Variants in BOD1L1 observed in about 807,000 individuals in gnomAD.
BOD1L1 encodes the protein biorientation of chromosomes in cell division 1 like 1, also known as biorientation of chromosomes in cell division protein 1-like 1.
In BOD1L1, 86 loss-of-function variants were observed where a neutral mutation model predicts 240.7. That is an observed-to-expected ratio of 0.36 (90% confidence interval 0.30 to 0.43). BOD1L1 has a LOEUF of 0.43. Among genes scored for constraint, BOD1L1 ranks in the 20% least tolerant of loss-of-function variants. BOD1L1 has a pLI of 1.00. For synonymous variants in BOD1L1, 1,268 were observed against 1,272.3 expected, an observed-to-expected ratio of 1.00 and a Z score of 0.07; for missense variants, 3,554 against 3,643.5, an observed-to-expected ratio of 0.98 and a Z score of 0.63.
At chr4:13,588,530 C>T (rs1379966138) in intron 15 of BOD1L1, among the ~76,000 whole-genome samples, 192 bp downstream of exon 15, 1 of 152,170 alleles carries the variant, frequency 6.6e-6, no homozygotes, top group Non-Finnish European at 1.5e-5. Flanking sequence ...CACTTCCAAA[C>T]AGTCCTGGGA....
At chr4:13,598,098 G>A (rs1308285897) in intron 10 of BOD1L1, among the ~76,000 whole-genome samples, 1 of 152,188 alleles carries the variant, frequency 6.6e-6, no homozygotes, top group Non-Finnish European at 1.5e-5. Flanking sequence ...GCTTTAAAGT[G>A]TCACTGTCCA....
At chr4:13,617,242 CAA>C (rs35905517) in intron 2 of BOD1L1, among the ~76,000 whole-genome samples, 18 of 116,354 alleles carry the variant, frequency 1.5e-4, no homozygotes, top group South Asian at 5.4e-4. Context: ...AACTCCGTCT[CAA>C]AAAAAAAAAA....
chr4:13,599,303 C>T lies in BOD1L1; in HGVS notation c.7597G>A (p.Ala2533Thr). 1.2e-6 allele frequency: 2 copies of T among 1,613,796 alleles called. No homozygotes were observed. The highest frequency in any genetic ancestry group is 1.7e-6 in the Non-Finnish European group (2 of 1,179,808). ...IRYLAAVNTG[A>T]IKADDMPPVQ... ...GGTGGCATGTCATCAGCTTTTATAGCACCGGTGTTTACTGCTGCCAAATAG... is the reference window on the plus strand; with the variant it reads ...GGTGGCATGTCATCAGCTTTTATAGTACCGGTGTTTACTGCTGCCAAATAG... Residue 2533 changes from alanine to threonine, a missense_variant, in exon 10 of 26, where the codon GCT becomes ACT. Transcript: ENST00000040738.
intron 9 of BOD1L1, 129 bp downstream of exon 9, chr4:13,606,988 T>A (rs1715758621): frequency 1.7e-6 from 1 of 573,850 alleles, no homozygotes; most frequent in Admixed American, 4.2e-5. Context: ...GTTTCAAAAA[T>A]GCTGAATGTA....
chr4:13,605,138 T>G (rs1436634387), intron 9 of BOD1L1, 54 bp from the exon 10 acceptor site: 3 of 1,363,634 alleles, frequency 2.2e-6, no homozygotes, highest in Non-Finnish European at 2.9e-6. Context: ...ATTTTTAGAT[T>G]AAAACATAAC....
intron 2 of BOD1L1, among the ~76,000 whole-genome samples, chr4:13,616,005 A>G (rs1387144027): frequency 6.6e-6 from 1 of 152,242 alleles, no homozygotes; most frequent in Non-Finnish European, 1.5e-5. Flanking sequence ...TTGCAAAATC[A>G]AAGAAGGAAA....
chr4:13,621,415 C>T (rs1336792575), intron 1 of BOD1L1, among the ~76,000 whole-genome samples: 1 of 152,198 alleles, frequency 6.6e-6, no homozygotes, highest in Non-Finnish European at 1.5e-5. Flanking sequence ...ACTACCATTC[C>T]CTCTGGTTGT....
intron 6 of BOD1L1, among the ~76,000 whole-genome samples, chr4:13,609,999 A>G (rs1236010275): frequency 1.3e-5 from 2 of 152,170 alleles, no homozygotes; most frequent in Non-Finnish European, 2.9e-5. Flanking sequence ...CAGGTGCATA[A>G]CTTCTAACCA....
At position 13,603,275 on chromosome 4, in the gene BOD1L1, T is replaced by C. The variant is rs200266448; in HGVS notation, c.3625A>G (p.Ile1209Val). 3.3e-5 allele frequency: 53 copies of C among 1,613,920 alleles called. No homozygotes were observed. The Middle Eastern group carries it at 4.9e-4, about 15-fold the overall frequency. ...HRSTLTKKMH[I>V]QSAVSKMNPG... is the part of the protein sequence containing the mutation. The stretch of plus-strand genomic sequence containing the variant: ...TTCATTTTGGACACAGCACTTTGTA[T>C]ATGCATTTTCTTGGTCAAGGTGCTT... The change falls in exon 10 of 26, where the codon ATA (isoleucine) becomes GTA (valine). Residue 1209 changes from isoleucine to valine, a missense_variant. Transcript: ENST00000040738.
In BOD1L1 at chr4:13,603,034, A is replaced by G. The variant is rs1715350305; in HGVS notation, c.3866T>C (p.Val1289Ala). 19 of 1,613,890 alleles carry G rather than the reference A, an allele frequency of 1.2e-5. No individual in the cohort carries two copies. Among genetic ancestry groups the G allele is most frequent in the Non-Finnish European group, 1.5e-5 (18 of 1,179,878 alleles). Residue 1289 changes from valine to alanine, a missense_variant, in exon 10 of 26, where the codon GTT becomes GCT. By Grantham distance (64) the Val-to-Ala change is moderately conservative. This residue lies in a region of BOD1L1 where 3,393 missense variants were observed against 3,427.1 expected (regional missense o/e 0.99). Coordinates refer to ENST00000040738, the MANE Select transcript of BOD1L1 (RefSeq NM_148894.3). ...ATCATACGATTCCCTCAGAGGCACA[A>G]CAGTCACTGAACTTAAGGATGGTGA... Reference protein sequence around the residue: ...DSSPSLSSVTVVPLRESYDPD... With the variant: ...DSSPSLSSVTAVPLRESYDPD...
In BOD1L1 at chr4:13,602,839, G is replaced by A. The variant is rs780987705; in HGVS notation, c.4061C>T (p.Thr1354Ile). 5.0e-6 allele frequency: 8 copies of A among 1,614,022 alleles called. No homozygotes were observed. The highest frequency in any genetic ancestry group is 6.8e-6 in the Non-Finnish European group (8 of 1,179,892). ...KEGGEGFTVD[T>I]PAKASITSKR... is the part of the protein sequence containing the mutation. ...GCTAGTGATGCTTGCTTTTGCTGGT[G>A]TATCTACTGTGAAACCTTCACCACC... Residue 1354 changes from threonine to isoleucine, a missense_variant, in exon 10 of 26, where the codon ACA (threonine) becomes ATA (isoleucine). Thr to Ile is a moderately conservative substitution (Grantham distance 89). This residue lies in a region of BOD1L1 where 3,393 missense variants were observed against 3,427.1 expected (regional missense o/e 0.99). Transcript: ENST00000040738.
intron 16 of BOD1L1, among the ~76,000 whole-genome samples, 182 bp from the exon 17 acceptor site, chr4:13,586,657 G>C (rs1383195202): frequency 6.6e-6 from 1 of 152,074 alleles, no homozygotes; most frequent in Non-Finnish European, 1.5e-5. Context: ...TTTCGCCCTG[G>C]CAAAGTAAAA....
chr4:13,601,614 C>T lies in BOD1L1; in HGVS notation c.5286G>A (p.Leu1762=). The stretch of plus-strand genomic sequence containing the variant: ...TTCCTGGTGGTGCATCATTATCTCC[C>T]AGGACAACACCTGCACCTGTAACCA... ...ERMVTGAGVV[L]GDNDAPPGTS... is the part of the protein sequence containing the mutation. Residue 1762 remains leucine, a synonymous_variant, in exon 10 of 26, where the codon CTG becomes CTA. Coordinates refer to ENST00000040738, the MANE Select transcript of BOD1L1 (RefSeq NM_148894.3). 1 of 1,613,892 alleles carries T rather than the reference C, an allele frequency of 6.2e-7. No homozygotes were observed. The highest frequency in any genetic ancestry group is 1.7e-5 in the Admixed American group (1 of 60,000).
At position 13,604,652 on chromosome 4, in the gene BOD1L1, T is replaced by C. The variant is rs1715532109; in HGVS notation, c.2248A>G (p.Met750Val). 1 of 1,583,436 alleles carries C rather than the reference T, an allele frequency of 6.3e-7. No homozygotes were observed. ...TCAGTCTCATCACCTGTTTTATGCA[T>C]ACAATCACCTTTATATTTATGTTTC... ...SVKHKYKGDC[M>V]HKTGDETELH... Residue 750 changes from methionine to valine, a missense_variant, in exon 10 of 26, where the codon ATG becomes GTG. By Grantham distance (21) the Met-to-Val change is conservative. Coordinates refer to ENST00000040738, the MANE Select transcript of BOD1L1 (RefSeq NM_148894.3).
intron 6 of BOD1L1, 39 bp from the exon 7 acceptor site, chr4:13,609,445 G>A (rs758988194): frequency 4.0e-5 from 50 of 1,257,010 alleles, no homozygotes; most frequent in Non-Finnish European, 5.0e-5. Flanking sequence ...ATTAGGCAAA[G>A]GCAAAAACAC....
At chr4:13,588,591 T>A (rs1419386079) in intron 15 of BOD1L1, 131 bp downstream of exon 15, 2 of 693,066 alleles carry the variant, frequency 2.9e-6, no homozygotes, top group Non-Finnish European at 4.6e-6. Flanking sequence ...AAAAGTGACA[T>A]GTGGAACTCT....
In BOD1L1 at chr4:13,601,115, T is replaced by G. The variant is rs1235498162; in HGVS notation, c.5785A>C (p.Asn1929His). The G allele has an allele frequency of 1.7e-5, 27 of 1,613,846 alleles. No individual in the cohort carries two copies. Among genetic ancestry groups the G allele is most frequent in the Non-Finnish European group, 2.2e-5 (26 of 1,179,908 alleles). ...GTGCCACTCATGCTGTCAACATTAT[T>G]TTCATTTGCATTCATGATGGCAGCT... The part of the protein sequence containing the change: ...AGAAIMNANE[N>H]NVDSMSGTEK... Residue 1929 changes from asparagine (N) to histidine (H), a missense_variant, in exon 10 of 26, where the codon AAT becomes CAT. This residue lies in a region of BOD1L1 where 3,393 missense variants were observed against 3,427.1 expected (regional missense o/e 0.99). Coordinates refer to ENST00000040738, the MANE Select transcript of BOD1L1 (RefSeq NM_148894.3).
intron 25 of BOD1L1, among the ~76,000 whole-genome samples, chr4:13,573,177 C>T (rs28633338): frequency 0.035 from 5,279 of 152,168 alleles, 297 homozygotes; most frequent in African/African-American, 0.12. Flanking sequence ...CCAAGATTAA[C>T]GAAAGTACAA....
chr4:13,591,858 T>A, intron 13 of BOD1L1, 65 bp downstream of exon 13: 1 of 1,287,212 alleles, frequency 7.8e-7, no homozygotes, highest in African/African-American at 1.5e-5. Flanking sequence ...CCTCAATAGC[T>A]CTCCAAAAAA....
Sources: gnomAD v4.1 joint callset for allele counts (sites outside exome capture counted in the v4.1 genomes callset) on GRCh38, gnomAD v4.1.1 for gene constraint, gnomAD v4.1.1 regional missense constraint, MANE v1.5 for transcripts, NCBI Gene and HGNC (gene_info 2026-07-23, HGNC 2026-07-21) for gene names.